The following TCERG1L variants were observed in gnomAD, a reference collection of about 807,000 sequenced individuals.
TCERG1L encodes the protein transcription elongation regulator 1 like, also known as transcription elongation regulator 1-like protein.
TCERG1L carries 37 observed loss-of-function variants against 56.3 expected under a neutral mutation model. The observed-to-expected ratio is 0.66, with a 90% CI of 0.51 to 0.87. The LOEUF (loss-of-function observed/expected upper bound fraction) is 0.87, where lower values mean the gene tolerates loss of function less well. Ranked by LOEUF, TCERG1L falls within the 40% of genes least tolerant of loss-of-function variation. TCERG1L has a pLI of 0.00. For missense variants in TCERG1L, 799 were observed against 774.2 expected, an observed-to-expected ratio of 1.03 and a Z score of -0.38; for synonymous variants, 324 against 326.3, an observed-to-expected ratio of 0.99 and a Z score of 0.08.
intron 4 of TCERG1L, among the ~76,000 whole-genome samples, chr10:131,209,321 A>G (rs1034915514): frequency 6.7e-6 from 1 of 149,134 alleles, no homozygotes; most frequent in Non-Finnish European, 1.5e-5. Context: ...GCTCTGACAA[A>G]GAAGCCGAAG....
At chr10:131,167,711 G>A (rs956152008) in intron 4 of TCERG1L, among the ~76,000 whole-genome samples, 4 of 152,230 alleles carry the variant, frequency 2.6e-5, no homozygotes, top group African/African-American at 7.2e-5. Context: ...CTTACTGGCC[G>A]CCATGGTGGG....
chr10:131,162,288 G>A (rs1845986509), intron 6 of TCERG1L: 1 of 152,282 alleles, frequency 6.6e-6, no homozygotes, highest in Admixed American at 6.5e-5. Context: ...ACAAATGGAA[G>A]GCTGGAGGCA....
At chr10:131,252,609 A>C (rs967998007) in intron 4 of TCERG1L, among the ~76,000 whole-genome samples, 2 of 152,122 alleles carry the variant, frequency 1.3e-5, no homozygotes, top group African/African-American at 4.8e-5. Context: ...TGAGCTGCAG[A>C]CCAGCCGTCT....
In TCERG1L at chr10:131,147,842, G is replaced by A. The variant is rs189021077; in HGVS notation, c.1035-1182C>T. Among the ~76,000 whole-genome samples the A allele has an allele frequency of 3.3e-5, 5 of 152,366 alleles. No homozygotes were observed. The East Asian group carries it at 5.8e-4, about 18-fold the overall frequency. On this transcript the variant is annotated intron_variant, in intron 6 of 11. Transcript: ENST00000368642. ...CTCACGCCTCACTCCCGCCAGCCTC[G>A]CACAGGTTCGGGAGGAGCTGGGGAT...
At chr10:131,171,090 A>C (rs1846087739) in intron 4 of TCERG1L, among the ~76,000 whole-genome samples, 1 of 152,012 alleles carries the variant, frequency 6.6e-6, no homozygotes, top group Non-Finnish European at 1.5e-5. Flanking sequence ...GGTTGCAGTG[A>C]GCTGAGATCA....
intron 8 of TCERG1L, among the ~76,000 whole-genome samples, chr10:131,121,386 C>T (rs74160852): frequency 0.034 from 5,215 of 152,262 alleles, 296 homozygotes; most frequent in African/African-American, 0.12. Flanking sequence ...TACATGCTTC[C>T]GACCAGATGA....
intron 9 of TCERG1L, among the ~76,000 whole-genome samples, chr10:131,110,052 C>T (rs1034827485): frequency 2.6e-5 from 4 of 152,206 alleles, no homozygotes; most frequent in African/African-American, 4.8e-5. Context: ...GCAGGCATCT[C>T]GCTGGAGAGT....
intron 4 of TCERG1L, among the ~76,000 whole-genome samples, chr10:131,176,965 G>GATACATGTATACAC (rs1401506554): frequency 2.8e-5 from 1 of 35,808 alleles, no homozygotes. Context: ...TGTACACACA[G>GATACATGTATACAC]AGACACATGA....
chr10:131,296,391 A>T (rs2133578340), intron 3 of TCERG1L, among the ~76,000 whole-genome samples: 1 of 152,044 alleles, frequency 6.6e-6, no homozygotes, highest in East Asian at 1.9e-4. Context: ...TTCTTTATTG[A>T]TTTTTCTTTG....
chr10:131,250,808 A>C (rs2133532395), intron 4 of TCERG1L, among the ~76,000 whole-genome samples: 1 of 152,158 alleles, frequency 6.6e-6, no homozygotes, highest in East Asian at 1.9e-4. Flanking sequence ...CACTGACTAA[A>C]CTTTCAGCTG....
chr10:131,142,460 C>T (rs1845748948), intron 7 of TCERG1L, among the ~76,000 whole-genome samples: 1 of 152,270 alleles, frequency 6.6e-6, no homozygotes, highest in Non-Finnish European at 1.5e-5. Context: ...TTACATCCTA[C>T]TTGGTGAAAT....
intron 3 of TCERG1L, among the ~76,000 whole-genome samples, chr10:131,278,639 A>G (rs1846419836): frequency 1.3e-5 from 2 of 152,088 alleles, no homozygotes; most frequent in Non-Finnish European, 2.9e-5. Flanking sequence ...CACCGCACCC[A>G]GCCCACATCG....
intron 3 of TCERG1L, among the ~76,000 whole-genome samples, chr10:131,269,958 G>A (rs1356215721): frequency 3.9e-5 from 6 of 152,130 alleles, no homozygotes; most frequent in African/African-American, 7.2e-5. Context: ...CACGGAGCAC[G>A]GCAACCCCAC....
At chr10:131,093,450 G>C (rs370184383) in intron 11 of TCERG1L, 132 bp from the exon 12 acceptor site, 2 of 1,081,746 alleles carry the variant, frequency 1.8e-6, no homozygotes. Context: ...CAGGGCACCC[G>C]GTGGGTGAGC....
At chr10:131,121,392 G>C (rs970936502) in intron 8 of TCERG1L, among the ~76,000 whole-genome samples, 4 of 152,192 alleles carry the variant, frequency 2.6e-5, no homozygotes, top group African/African-American at 9.6e-5. Flanking sequence ...CTTCCGACCA[G>C]ATGATCTGAA....
At chr10:131,282,931 CCCT>C (rs1846477759) in intron 3 of TCERG1L, among the ~76,000 whole-genome samples, 1 of 152,182 alleles carries the variant, frequency 6.6e-6, no homozygotes, top group Non-Finnish European at 1.5e-5. Context: ...TGGGTCTTGA[CCCT>C]AACTTTCTAA....
chr10:131,195,857 C>T (rs568958195), intron 4 of TCERG1L, among the ~76,000 whole-genome samples: 1 of 152,376 alleles, frequency 6.6e-6, no homozygotes, highest in East Asian at 1.9e-4. Context: ...CGCGGCTCTC[C>T]TGGCTCCATC....
chr10:131,104,053 CCAGGGTCA>C (rs1845327466), intron 10 of TCERG1L, among the ~76,000 whole-genome samples: 1 of 152,178 alleles, frequency 6.6e-6, no homozygotes, highest in African/African-American at 2.4e-5. Context: ...TATTTGTCTT[CCAGGGTCA>C]TAACCAAATA....
At chr10:131,239,305 CAGAT>C (rs1845946943) in intron 4 of TCERG1L, among the ~76,000 whole-genome samples, 1 of 152,072 alleles carries the variant, frequency 6.6e-6, no homozygotes, top group Admixed American at 6.5e-5. Flanking sequence ...CAAAGATAAA[CAGAT>C]AGAAAAGAGC....
Sources: gnomAD v4.1 joint callset for allele counts (sites outside exome capture counted in the v4.1 genomes callset) on GRCh38, gnomAD v4.1.1 for gene constraint, MANE v1.5 for transcripts, NCBI Gene and HGNC (gene_info 2026-07-23, HGNC 2026-07-21) for gene names.